ZNF705A: variants seen among roughly 807,000 people sequenced by gnomAD.
ZNF705A encodes zinc finger protein 705A.
Under a neutral mutation model 16.6 loss-of-function variants are expected in ZNF705A, and 8 were observed. The ratio of observed to expected loss-of-function variants is 0.48; its 90% CI spans 0.28 to 0.87. The LOEUF is 0.87. Ranked by LOEUF, ZNF705A falls within the 40% of genes least tolerant of loss-of-function variation. ZNF705A has a pLI of 0.10. For synonymous variants in ZNF705A, 73 were observed against 117.3 expected (o/e 0.62, Z 2.44); for missense variants, 233 against 359.9 (o/e 0.65, Z 2.85).
intron 1 of ZNF705A, among the ~76,000 whole-genome samples, chr12:8,165,277 C>CTT (rs1565413981): frequency 4.1e-4 from 51 of 124,698 alleles, no homozygotes; most frequent in Admixed American, 1.3e-3. Context: ...GATCTTTGCC[C>CTT]ATTTTTTTTT....
In ZNF705A at chr12:8,158,471, A is replaced by C. The variant is rs149069690; in HGVS notation, c.-72+1379A>C. Among the ~76,000 whole-genome samples the C allele has an allele frequency of 3.1e-3, 477 of 152,244 alleles. 6 individuals carry two copies. Among genetic ancestry groups the C allele is most frequent in the African/African-American group, 9.6e-3 (398 of 41,562 alleles). ...TATGTTATTTTTGCTGCCAGTAGTT[A>C]ATTTCCTTCTACTAGTGAGTAGTAT... On this transcript the variant is annotated intron_variant, in intron 1 of 5. Transcript: ENST00000396570.
intron 1 of ZNF705A, among the ~76,000 whole-genome samples, chr12:8,162,742 G>A (rs1373495995): frequency 6.6e-6 from 1 of 152,152 alleles, no homozygotes; most frequent in Non-Finnish European, 1.5e-5. Context: ...GCGAAATGCT[G>A]TCTAAGCCCA....
At chr12:8,158,257 A>T (rs773011243) in intron 1 of ZNF705A, among the ~76,000 whole-genome samples, 1 of 152,232 alleles carries the variant, frequency 6.6e-6, no homozygotes, top group Admixed American at 6.5e-5. Context: ...GAACATTTTT[A>T]TTACCCGCAA....
chr12:8,158,959 T>G (rs1039030259), intron 1 of ZNF705A, among the ~76,000 whole-genome samples: 3 of 152,068 alleles, frequency 2.0e-5, no homozygotes, highest in African/African-American at 7.2e-5. Context: ...CTTTTATCCT[T>G]TGTCCCCCCA....
At chr12:8,175,736 T>G (rs1948479498) in intron 3 of ZNF705A, 124 bp from the exon 5 acceptor site, 1 of 1,376,152 alleles carries the variant, frequency 7.3e-7, no homozygotes, top group East Asian at 2.4e-5. Flanking sequence ...AGTAGTTTCT[T>G]CATTTGACAC....
intron 1 of ZNF705A, among the ~76,000 whole-genome samples, chr12:8,166,664 T>G (rs943941368): frequency 6.6e-6 from 1 of 152,272 alleles, no homozygotes. Context: ...TCCTGTACTT[T>G]GTGCACCTGC....
chr12:8,172,569 T>C (rs2120722342), exon 1 of ZNF705A: 1 of 1,594,884 alleles, frequency 6.3e-7, no homozygotes, highest in Non-Finnish European at 8.5e-7. Flanking sequence ...TCTTAGTGCC[T>C]AAAGTGTCTG....
chr12:8,162,750 C>T (rs1948366947), intron 1 of ZNF705A, among the ~76,000 whole-genome samples: 1 of 152,044 alleles, frequency 6.6e-6, no homozygotes. Context: ...CTGTCTAAGC[C>T]CATCACGTGA....
intron 4 of ZNF705A, 39 bp from the exon 6 acceptor site, chr12:8,176,960 T>C: frequency 1.3e-6 from 2 of 1,577,834 alleles, no homozygotes; most frequent in South Asian, 1.1e-5. Flanking sequence ...TAGATATATG[T>C]GGGTAAACCA....
chr12:8,168,917 T>G (rs1314768047), upstream of ZNF705A: 3 of 152,236 alleles, frequency 2.0e-5, no homozygotes, highest in African/African-American at 7.2e-5. Context: ...TTTAAAATAA[T>G]GTACAGCAAA....
At chr12:8,172,023 C>T (rs1366213528), upstream of ZNF705A, among the ~76,000 whole-genome samples, 5 of 152,182 alleles carry the variant, frequency 3.3e-5, no homozygotes, top group South Asian at 2.1e-4. Flanking sequence ...AGGCATGAGC[C>T]GCCACACTCG....
Position 8,172,646 on chromosome 12 carries a change from G to A in ZNF705A, c.12+9G>A. 4 of 1,596,370 alleles carry A rather than the reference G, an allele frequency of 2.5e-6. No individual in the cohort carries two copies. Among genetic ancestry groups the A allele is most frequent in the Non-Finnish European group, 3.4e-6 (4 of 1,179,710 alleles). ...GGACAATGCATTCACTAGTGAGTAG[G>A]GGATGCTTCTTTCTACTGAAATTAT... is the stretch of plus-strand genomic sequence containing the variant. On this transcript the variant is annotated intron_variant, in intron 1 of 4. Coordinates refer to ENST00000359286, the Ensembl canonical transcript of ZNF705A.
In ZNF705A at chr12:8,174,308, A is replaced by C. The variant is rs763030510; in HGVS notation, c.13-18A>C. 1.3e-6 allele frequency: 2 copies of C among 1,593,308 alleles called. No individual in the cohort carries two copies. Among genetic ancestry groups the C allele is most frequent in the South Asian group, 2.2e-5 (2 of 90,176 alleles). ...AAGGGATTTCTCTGTCTAAACTAAA[A>C]TGTCTGTGATGTTTTAGAAGAAAGT... On this transcript the variant is annotated intron_variant, in intron 1 of 4. Coordinates refer to ENST00000359286, the Ensembl canonical transcript of ZNF705A.
upstream of ZNF705A, among the ~76,000 whole-genome samples, chr12:8,170,812 T>A (rs1421648150): frequency 6.6e-6 from 1 of 152,156 alleles, no homozygotes; most frequent in African/African-American, 2.4e-5. Context: ...GATGAACAGA[T>A]GTAGAAAATA....
chr12:8,176,333 G>T (rs1948483871), intron 4 of ZNF705A, among the ~76,000 whole-genome samples: 1 of 152,152 alleles, frequency 6.6e-6, no homozygotes, highest in African/African-American at 2.4e-5. Flanking sequence ...ATTTGCCAAA[G>T]TTAAGGACAT....
At chr12:8,162,398 G>T (rs1948363227) in intron 1 of ZNF705A, among the ~76,000 whole-genome samples, 1 of 152,118 alleles carries the variant, frequency 6.6e-6, no homozygotes, top group African/African-American at 2.4e-5. Context: ...GAAAATTTGG[G>T]CAGAGCGAGG....
intron 1 of ZNF705A, among the ~76,000 whole-genome samples, chr12:8,163,801 C>A (rs1948377045): frequency 6.6e-6 from 1 of 152,198 alleles, no homozygotes; most frequent in Non-Finnish European, 1.5e-5. Flanking sequence ...TAAATCCCCA[C>A]CTATCATTTT....
chr12:8,162,655 C>T (rs2075251450), intron 1 of ZNF705A, among the ~76,000 whole-genome samples: 1 of 152,070 alleles, frequency 6.6e-6, no homozygotes, highest in South Asian at 2.1e-4. Flanking sequence ...CTATCTTCTC[C>T]CACGGAGAGC....
chr12:8,177,649 A>G (rs1466844397), exon 5 of ZNF705A: 20 of 1,594,724 alleles, frequency 1.3e-5, no homozygotes, highest in Non-Finnish European at 1.5e-5. Flanking sequence ...CCTTCAGTCA[A>G]TGTACTAGTC....
Sources: allele counts gnomAD v4.1 joint callset (sites outside exome capture counted in the v4.1 genomes callset), GRCh38; gene constraint gnomAD v4.1.1; transcripts MANE v1.5; gene names NCBI Gene and HGNC (gene_info 2026-07-23, HGNC 2026-07-21).